Variants in PCDHA9 observed in about 807,000 individuals in gnomAD.
PCDHA9 encodes the protein protocadherin alpha 9.
PCDHA9 carries 62 observed loss-of-function variants against 62.0 expected under a neutral mutation model. That is an observed-to-expected ratio of 1.00 (90% CI 0.81 to 1.23). The LOEUF (loss-of-function observed/expected upper bound fraction) is 1.23. Among genes scored for constraint, PCDHA9 ranks in the 50% most tolerant of loss-of-function variants. PCDHA9 has a pLI of 0.00. For synonymous variants in PCDHA9, 557 were observed against 567.6 expected, an observed-to-expected ratio of 0.98 and a Z score of 0.27; for missense variants, 1,205 against 1,249.8, an observed-to-expected ratio of 0.96 and a Z score of 0.54.
At chr5:140,907,720 C>T (rs1554193113) in intron 1 of PCDHA9, among the ~76,000 whole-genome samples, 1 of 152,208 alleles carries the variant, frequency 6.6e-6, no homozygotes, top group Non-Finnish European at 1.5e-5. Context: ...CATGTGTAAC[C>T]TCCATCCCTG....
At position 141,010,198 on chromosome 5, in the gene PCDHA9, C is replaced by T; in HGVS notation, c.*261C>T. ...AAAGCAGACCCAAGTTTCCTTTCTC[C>T]TCCGCCGCAAAGGAGAGGCTTCCCA... On this transcript the variant is annotated 3_prime_UTR_variant, in exon 4 of 4. Transcript: ENST00000532602. The T allele has an allele frequency of 6.4e-7, 1 of 1,552,138 alleles. No homozygotes were observed. The highest frequency in any genetic ancestry group is 1.4e-5 in the African/African-American group (1 of 73,154).
intron 1 of PCDHA9, among the ~76,000 whole-genome samples, chr5:140,885,740 GTTACT>G (rs1554182262): frequency 2.6e-5 from 4 of 152,016 alleles, no homozygotes; most frequent in African/African-American, 9.7e-5. Context: ...ATATTTCACT[GTTACT>G]TTAATTTTAA....
chr5:140,950,581 C>T (rs1158445917), intron 1 of PCDHA9, among the ~76,000 whole-genome samples: 2 of 151,860 alleles, frequency 1.3e-5, no homozygotes, highest in Non-Finnish European at 2.9e-5. Flanking sequence ...TTCTACTTAC[C>T]TTTGGTTTAG....
intron 1 of PCDHA9, chr5:140,927,458 AAG>A: frequency 6.2e-7 from 1 of 1,614,124 alleles, no homozygotes; most frequent in Non-Finnish European, 8.5e-7. Context: ...GTGTTGGAGA[AAG>A]CACTGGATCG....
chr5:140,876,802 G>C, intron 1 of PCDHA9: 2 of 1,614,248 alleles, frequency 1.2e-6, no homozygotes. Context: ...AGTGTCCGTG[G>C]AGGTGGCCGA....
At chr5:140,870,590 G>A (rs1238282556) in intron 1 of PCDHA9, 3 of 1,613,446 alleles carry the variant, frequency 1.9e-6, no homozygotes, top group Non-Finnish European at 2.5e-6. Flanking sequence ...CTGGTGGAGC[G>A]GCGGTTGGGC....
At chr5:140,926,863 G>T (rs2083606655) in intron 1 of PCDHA9, 6 of 1,523,054 alleles carry the variant, frequency 3.9e-6, no homozygotes, top group Non-Finnish European at 5.3e-6. Flanking sequence ...GGTGTAGCGT[G>T]TTGGTGGAAC....
intron 1 of PCDHA9, among the ~76,000 whole-genome samples, chr5:140,917,793 G>A (rs1405580492): frequency 6.6e-6 from 1 of 152,082 alleles, no homozygotes; most frequent in African/African-American, 2.4e-5. Flanking sequence ...TTTGGTTACT[G>A]TAGCCTTGCA....
Position 140,849,745 on chromosome 5 carries a change from G to T in PCDHA9, c.1250G>T (p.Ser417Ile), listed in dbSNP as rs2150447816. 1 of 1,598,462 alleles carries T rather than the reference G, an allele frequency of 6.3e-7. No individual in the cohort carries two copies. Among genetic ancestry groups the T allele is most frequent in the Admixed American group, 1.7e-5 (1 of 59,280 alleles). The change falls in exon 1 of 4, where the codon AGT (serine) becomes ATT (isoleucine). Residue 417 changes from serine to isoleucine, a missense_variant. Physicochemically the swap from Ser to Ile is moderately radical, Grantham distance 142. Around this residue, in one of 3 missense-constraint regions of PCDHA9, gnomAD observed 887 missense variants for 809.5 expected, o/e 1.10. Transcript: ENST00000532602. ...LVLDRALDRESVSAYELVVTA... is the reference protein window; with the variant it reads ...LVLDRALDREIVSAYELVVTA... ...CTGGACAGAGCTCTGGACCGCGAGA[G>T]TGTGTCCGCCTACGAGCTGGTGGTT...
intron 1 of PCDHA9, among the ~76,000 whole-genome samples, chr5:140,896,760 T>C (rs562641955): frequency 1.3e-5 from 2 of 152,340 alleles, no homozygotes; most frequent in East Asian, 3.9e-4. Flanking sequence ...ATTAGACCTT[T>C]GTTGGATGCA....
chr5:140,970,948 C>A (rs1339410112), intron 1 of PCDHA9, among the ~76,000 whole-genome samples: 2 of 152,114 alleles, frequency 1.3e-5, no homozygotes, highest in East Asian at 3.8e-4. Flanking sequence ...TGCTGAGAAA[C>A]CATGGGAGGC....
chr5:140,941,862 T>G (rs1007783083), intron 1 of PCDHA9, among the ~76,000 whole-genome samples: 33 of 152,238 alleles, frequency 2.2e-4, no homozygotes, highest in African/African-American at 7.7e-4. Context: ...TTCCCTATCA[T>G]AGAGTTCTAT....
At chr5:140,909,624 G>A (rs2074611325) in intron 1 of PCDHA9, among the ~76,000 whole-genome samples, 1 of 152,092 alleles carries the variant, frequency 6.6e-6, no homozygotes, top group African/African-American at 2.4e-5. Context: ...GCTCTAATTG[G>A]TCTTCCTATT....
chr5:140,886,697 G>A (rs1230801248), intron 1 of PCDHA9, among the ~76,000 whole-genome samples: 4 of 151,750 alleles, frequency 2.6e-5, no homozygotes. Context: ...ATGGTGGCAC[G>A]CGCCTGTAAT....
intron 1 of PCDHA9, chr5:140,929,003 G>A: frequency 6.2e-7 from 1 of 1,614,106 alleles, no homozygotes; most frequent in South Asian, 1.1e-5. Flanking sequence ...TTCTTCGTGT[G>A]TACCAAGTTG....
rs568082033 is a variant in PCDHA9, at chr5:140,926,946, AG to A, written c.2395-52002del. On this transcript the variant is annotated intron_variant, in intron 1 of 3. Transcript: ENST00000532602. ...GTTTGTGGGTTTCCTGCGGCGCTGC[AG>A]CGGGACAGCTCGAGTACTCAGTGCC... 60 of 1,590,228 alleles carry A rather than the reference AG, an allele frequency of 3.8e-5. No individual in the cohort carries two copies. The African/African-American group carries it at 7.7e-4, about 20-fold the overall frequency.
At chr5:140,952,171 TG>T (rs2094700193) in intron 1 of PCDHA9, among the ~76,000 whole-genome samples, 1 of 152,084 alleles carries the variant, frequency 6.6e-6, no homozygotes, top group Non-Finnish European at 1.5e-5. Context: ...GTTCAGTTCC[TG>T]CAGCTGCTCT....
At chr5:140,857,939 A>C in intron 1 of PCDHA9, 1 of 1,597,618 alleles carries the variant, frequency 6.3e-7, no homozygotes, top group Middle Eastern at 1.7e-4. Flanking sequence ...GGGCGAGATC[A>C]GTACGACGCG....
intron 1 of PCDHA9, chr5:140,854,017 C>T (rs2042943793): frequency 5.7e-6 from 2 of 349,696 alleles, no homozygotes; most frequent in South Asian, 2.3e-4. Flanking sequence ...AAAAAATTAG[C>T]CGGGCATGGT....
Sources: gnomAD v4.1 joint callset for allele counts (sites outside exome capture counted in the v4.1 genomes callset) on GRCh38, gnomAD v4.1.1 for gene constraint, gnomAD v4.1.1 regional missense constraint, MANE v1.5 for transcripts, NCBI Gene and HGNC (gene_info 2026-07-23, HGNC 2026-07-21) for gene names.